Variants in G3BP2 observed in about 807,000 individuals in gnomAD.
G3BP2 encodes the protein G3BP stress granule assembly factor 2, also known as ras GTPase-activating protein-binding protein 2.
G3BP2 carries 11 observed loss-of-function variants against 56.7 expected under a neutral mutation model. The observed-to-expected ratio is 0.19, with a 90% CI of 0.12 to 0.32. The LOEUF is 0.32. Among genes scored for constraint, G3BP2 ranks in the 10% least tolerant of loss-of-function variants. G3BP2 has a pLI of 1.00. For synonymous variants in G3BP2, 165 were observed against 191.6 expected, an observed-to-expected ratio of 0.86 and a Z score of 1.15; for missense variants, 340 against 610.9, an observed-to-expected ratio of 0.56 and a Z score of 4.67.
intron 5 of G3BP2, 139 bp from the exon 6 acceptor site, chr4:75,656,009 G>C (rs1346508584): frequency 2.0e-6 from 1 of 498,692 alleles, no homozygotes; most frequent in Non-Finnish European, 3.5e-6. Context: ...TTTTTTTTTT[G>C]AGATGGAGTC....
chr4:75,702,141 C>G (rs556745277), intron 3 of G3BP2, among the ~76,000 whole-genome samples: 3 of 150,432 alleles, frequency 2.0e-5, no homozygotes, highest in African/African-American at 4.9e-5. Flanking sequence ...GCCGTTCCCC[C>G]CTACCTTAAG....
intron 2 of G3BP2, among the ~76,000 whole-genome samples, chr4:75,660,684 T>C (rs1189002801): frequency 2.0e-5 from 3 of 152,236 alleles, no homozygotes; most frequent in Admixed American, 1.3e-4. Flanking sequence ...AAAATGCTAA[T>C]TAAGATGACC....
rs374816923 is a variant in G3BP2, at chr4:75,682,940, C to A, written c.-24-20891G>T. Among the ~76,000 whole-genome samples, 154 of 150,342 alleles carry A rather than the reference C, an allele frequency of 1.0e-3. 1 individual carries two copies. Among genetic ancestry groups the A allele is most frequent in the African/African-American group, 3.7e-3 (150 of 40,858 alleles). ...CAGAGGTTGCAGTGAGCTGAGATGG[C>A]GCCATTGCACTCCAGCCTGGTGACA... is the stretch of plus-strand genomic sequence containing the variant. On this transcript the variant is annotated intron_variant, in intron 3 of 3. Coordinates refer to the G3BP2 transcript ENST00000499709.
intron 1 of G3BP2, among the ~76,000 whole-genome samples, chr4:75,669,002 T>C (rs1238177779): frequency 1.3e-5 from 2 of 152,202 alleles, no homozygotes; most frequent in Admixed American, 1.3e-4. Context: ...ACATCACAAT[T>C]CTTCTCAATA....
chr4:75,679,886 A>C (rs945944671), intron 3 of G3BP2, among the ~76,000 whole-genome samples: 3 of 152,242 alleles, frequency 2.0e-5, no homozygotes, highest in Non-Finnish European at 4.4e-5. Flanking sequence ...CCTGGAAAGC[A>C]GAACAACTAA....
intron 10 of G3BP2, among the ~76,000 whole-genome samples, 162 bp from the exon 11 acceptor site, chr4:75,646,618 G>T (rs1265349102): frequency 6.6e-6 from 1 of 152,132 alleles, no homozygotes; most frequent in African/African-American, 2.4e-5. Flanking sequence ...ACTCAAGCAG[G>T]CAATCCCCTA....
chr4:75,661,784 C>T, intron 2 of G3BP2, 147 bp downstream of exon 2: 2 of 554,020 alleles, frequency 3.6e-6, no homozygotes, highest in Non-Finnish European at 6.5e-6. Context: ...CACTTTTTGC[C>T]ATCAAATGAA....
chr4:75,672,255 T>C (rs1733546404), intron 1 of G3BP2, among the ~76,000 whole-genome samples: 1 of 152,114 alleles, frequency 6.6e-6, no homozygotes, highest in African/African-American at 2.4e-5. Context: ...AAAGCTGATC[T>C]ATGCAGGAAA....
At chr4:75,685,198 A>C (rs555364373) in intron 3 of G3BP2, among the ~76,000 whole-genome samples, 2 of 151,942 alleles carry the variant, frequency 1.3e-5, no homozygotes, top group Non-Finnish European at 2.9e-5. Flanking sequence ...TAAAAAAAAA[A>C]ACACAAAACA....
chr4:75,653,218 A>C (rs544472286), intron 8 of G3BP2, among the ~76,000 whole-genome samples: 1 of 152,348 alleles, frequency 6.6e-6, no homozygotes, highest in East Asian at 1.9e-4. Context: ...ACTGCTTAGA[A>C]CATATAAAAG....
intron 5 of G3BP2, 21 bp from the exon 6 acceptor site, chr4:75,655,891 A>T: frequency 8.4e-7 from 1 of 1,190,042 alleles, no homozygotes; most frequent in Non-Finnish European, 1.3e-6. Flanking sequence ...ATAATACAGC[A>T]CATCTTTTTT....
Position 75,647,110 on chromosome 4 carries a change from G to A in G3BP2, c.976C>T (p.Arg326Cys). Residue 326 changes from arginine to cysteine, a missense_variant, in exon 10 of 12, where the codon CGC becomes TGC. By Grantham distance (180) the Arg-to-Cys change is radical. This residue lies in a region of G3BP2 where 224 missense variants were observed against 332.5 expected (regional missense o/e 0.67). Transcript: ENST00000359707. The part of the protein sequence containing the change: ...QNDSDNRRII[R>C]YPDSHQLFVG... ...AAAAGTTGATGACTATCTGGATAGCGAATTATTCTACGGTTGTCAGAGTCA... is the reference window on the plus strand; with the variant it reads ...AAAAGTTGATGACTATCTGGATAGCAAATTATTCTACGGTTGTCAGAGTCA... 1 of 1,597,156 alleles carries A rather than the reference G, an allele frequency of 6.3e-7. No individual in the cohort carries two copies. Among genetic ancestry groups the A allele is most frequent in the Non-Finnish European group, 8.6e-7 (1 of 1,165,664 alleles).
chr4:75,722,918 A>T (rs1424897852), intron 1 of G3BP2, among the ~76,000 whole-genome samples: 1 of 152,190 alleles, frequency 6.6e-6, no homozygotes, highest in Non-Finnish European at 1.5e-5. Context: ...CATCAATATC[A>T]CCTTTTATGA....
At chr4:75,693,484 G>GT (rs1055506845) in intron 3 of G3BP2, among the ~76,000 whole-genome samples, 178 of 143,144 alleles carry the variant, frequency 1.2e-3, no homozygotes, top group Middle Eastern at 3.6e-3. Context: ...AGTTTTTTTT[G>GT]TTTTTTTTTT....
At chr4:75,719,227 A>G (rs1365129286) in intron 3 of G3BP2, among the ~76,000 whole-genome samples, 2 of 149,932 alleles carry the variant, frequency 1.3e-5, no homozygotes, top group Non-Finnish European at 3.0e-5. Context: ...GGGCGCCTGT[A>G]GTCCCAGCTA....
intron 1 of G3BP2, among the ~76,000 whole-genome samples, chr4:75,722,318 T>C (rs574001244): frequency 6.6e-6 from 1 of 152,198 alleles, no homozygotes; most frequent in African/African-American, 2.4e-5. Context: ...CACGAAAGTA[T>C]AGTAACCTAC....
intron 3 of G3BP2, among the ~76,000 whole-genome samples, chr4:75,711,298 G>A (rs527255695): frequency 1.4e-4 from 21 of 149,354 alleles, no homozygotes; most frequent in South Asian, 8.5e-4. Flanking sequence ...CAGCCTGGGC[G>A]GTTGAGTGAG....
At chr4:75,664,065 G>A (rs555909107) in intron 1 of G3BP2, among the ~76,000 whole-genome samples, 41 of 150,994 alleles carry the variant, frequency 2.7e-4, no homozygotes, top group African/African-American at 8.7e-4. Context: ...TGTATTATTA[G>A]TAGAGACGGG....
chr4:75,690,776 G>C (rs918461775), intron 3 of G3BP2, among the ~76,000 whole-genome samples: 5 of 151,998 alleles, frequency 3.3e-5, no homozygotes, highest in Non-Finnish European at 7.4e-5. Context: ...GTTGGCCAGA[G>C]TAGTCTCAAT....
Sources: gnomAD v4.1 joint callset for allele counts (sites outside exome capture counted in the v4.1 genomes callset) on GRCh38, gnomAD v4.1.1 for gene constraint, gnomAD v4.1.1 regional missense constraint, MANE v1.5 for transcripts, NCBI Gene and HGNC (gene_info 2026-07-23, HGNC 2026-07-21) for gene names.